Variants in MAP7D1 observed in about 807,000 individuals in gnomAD.
MAP7D1 encodes MAP7 domain-containing protein 1.
Under a neutral mutation model 97.5 loss-of-function variants are expected in MAP7D1, and 30 were observed. That is an observed-to-expected ratio of 0.31 (90% CI 0.23 to 0.42). The LOEUF (loss-of-function observed/expected upper bound fraction) is 0.42. Among genes scored for constraint, MAP7D1 ranks in the 10% least tolerant of loss-of-function variants. MAP7D1 has a pLI of 1.00. For missense variants in MAP7D1, 1,184 were observed against 1,179.5 expected, an observed-to-expected ratio of 1.00 and a Z score of -0.06; for synonymous variants, 536 against 477.1, an observed-to-expected ratio of 1.12 and a Z score of -1.61.
chr1:36,164,248 G>A (rs1644447943), intron 1 of MAP7D1, among the ~76,000 whole-genome samples: 1 of 152,108 alleles, frequency 6.6e-6, no homozygotes, highest in African/African-American at 2.4e-5. Context: ...CCGTATACTT[G>A]GCACTGTGGT....
At chr1:36,180,097 C>T in intron 16 of MAP7D1, 30 bp downstream of exon 16, 1 of 1,612,022 alleles carries the variant, frequency 6.2e-7, no homozygotes, top group African/African-American at 1.3e-5. Context: ...GACCCAGCTC[C>T]ATTCCTCCCA....
intron 9 of MAP7D1, 27 bp from the exon 10 acceptor site, chr1:36,178,392 G>A: frequency 6.2e-7 from 1 of 1,600,270 alleles, no homozygotes; most frequent in Non-Finnish European, 8.5e-7. Context: ...TGGGTGTGCT[G>A]ACGCCTGATC....
chr1:36,168,273 A>G (rs166634), intron 1 of MAP7D1, among the ~76,000 whole-genome samples: 27,315 of 149,226 alleles, frequency 0.18, 5,840 homozygotes, highest in African/African-American at 0.48. Flanking sequence ...CCAGCCTGGC[A>G]ACAGAGTGAG....
At position 36,176,580 on chromosome 1, in the gene MAP7D1, C is replaced by T. The variant is rs1480060530; in HGVS notation, c.1232C>T (p.Pro411Leu). 1.3e-6 allele frequency: 2 copies of T among 1,519,648 alleles called. No homozygotes were observed. Among genetic ancestry groups the T allele is most frequent in the African/African-American group, 1.4e-5 (1 of 71,124 alleles). The allele number at this position is 1,519,648 out of a possible 1,614,324, so 94.1% of individuals were successfully genotyped here. A position where few individuals can be genotyped will look rare whatever the true frequency, so the allele number is the denominator to read the frequency against. Residue 411 changes from proline to leucine, a missense_variant and splice_region_variant, in exon 7 of 17, where the codon CCG becomes CTG. Physicochemically the swap from Pro to Leu is moderately conservative, Grantham distance 98. Coordinates refer to ENST00000474796, the MANE Select transcript of MAP7D1 (RefSeq NM_001388490.1). This position sits in a 1 kb window ranked among gnomAD's most constrained non-coding sequence, Gnocchi z 6.1. The stretch of plus-strand genomic sequence containing the variant: ...GTGCGCCGCCGGCCGGAGGCCTCGC[C>T]GGTGAGTGGCTCTACTGGCTCGAGT... Reference protein sequence around the residue: ...APVRRRPEASPVQKKEKKDKE... With the variant: ...APVRRRPEASLVQKKEKKDKE...
At chr1:36,174,063 A>G (rs1390529745) in intron 5 of MAP7D1, among the ~76,000 whole-genome samples, 1 of 152,226 alleles carries the variant, frequency 6.6e-6, no homozygotes, top group Non-Finnish European at 1.5e-5. Flanking sequence ...CTCCTAAGTC[A>G]GACAGACTTG....
In MAP7D1 at chr1:36,171,020, C is replaced by G. The variant is rs559718745; in HGVS notation, c.96C>G (p.Asp32Glu). 12 of 1,571,996 alleles carry G rather than the reference C, an allele frequency of 7.6e-6. 1 individual carries two copies. In the South Asian group the frequency reaches 1.3e-4, roughly 18 times the overall value. ...PPEPRPSPEG[D>E]PSPPPPPMSA... ...AGCCAAGACCTTCTCCAGAAGGTGACCCTTCCCCCCCACCACCACCAATGT... is the reference window on the plus strand; with the variant it reads ...AGCCAAGACCTTCTCCAGAAGGTGAGCCTTCCCCCCCACCACCACCAATGT... Residue 32 changes from aspartate to glutamate, a missense_variant, in exon 2 of 17, where the codon GAC (aspartate) becomes GAG (glutamate). By Grantham distance (45) the Asp-to-Glu change is conservative. Coordinates refer to ENST00000474796, the MANE Select transcript of MAP7D1 (RefSeq NM_001388490.1).
Position 36,156,174 on chromosome 1 carries a change from G to C in MAP7D1, c.-244G>C, listed in dbSNP as rs1384916587. The C allele has an allele frequency of 7.2e-6, 3 of 414,418 alleles. No individual in the cohort carries two copies. Among genetic ancestry groups the C allele is most frequent in the African/African-American group, 4.2e-5 (2 of 47,978 alleles). The allele number at this position is 414,418 out of a possible 1,614,324, so 25.7% of individuals were successfully genotyped here. A position where few individuals can be genotyped will look rare whatever the true frequency, so the allele number is the denominator to read the frequency against. On this transcript the variant is annotated 5_prime_UTR_variant, in exon 1 of 17. Transcript: ENST00000474796. ...GGTACAATAGGGTTGGGCCGAGGCC[G>C]GGACTGGGCCGGCGCCGGGCGGGGA... is the stretch of plus-strand genomic sequence containing the variant.
chr1:36,170,199 A>AT (rs1644522177), intron 1 of MAP7D1, among the ~76,000 whole-genome samples: 1 of 152,190 alleles, frequency 6.6e-6, no homozygotes, highest in African/African-American at 2.4e-5. Flanking sequence ...ACATGTGTAT[A>AT]TGTCAAATCG....
In MAP7D1 at chr1:36,174,941, C is replaced by T. The variant is rs77377305; in HGVS notation, c.783C>T (p.His261=). 1,277 of 1,613,946 alleles carry T rather than the reference C, an allele frequency of 7.9e-4. 2 individuals carry two copies. The African/African-American group carries it at 0.013, about 17-fold the overall frequency. Reference sequence around the variant, plus strand: ...TGTCGGCAGTTAACCTGCCCAAACACGTGGACTCTATAATCAACAAGCGGC... The same window carrying T: ...TGTCGGCAGTTAACCTGCCCAAACATGTGGACTCTATAATCAACAAGCGGC... ...CSVSAVNLPK[H]VDSIINKRLS... is the part of the protein sequence containing the mutation. The change falls in exon 6 of 17, where the codon CAC becomes CAT. Residue 261 remains histidine (H), a synonymous_variant. Transcript: ENST00000474796.
chr1:36,156,610 C>T, intron 1 of MAP7D1, 147 bp downstream of exon 1: 1 of 606,156 alleles, frequency 1.6e-6, no homozygotes, highest in Non-Finnish European at 2.5e-6. Flanking sequence ...GCTGCGGCGG[C>T]GGCGGCTCCA....
intron 1 of MAP7D1, 126 bp downstream of exon 1, chr1:36,156,589 T>A: frequency 1.4e-6 from 1 of 716,538 alleles, no homozygotes; most frequent in Non-Finnish European, 2.0e-6. Context: ...CTTGGAAGTT[T>A]AAAAATAAAG....
chr1:36,177,578 G>A, intron 8 of MAP7D1: 1 of 673,130 alleles, frequency 1.5e-6, no homozygotes, highest in South Asian at 1.5e-5. Flanking sequence ...CTGTCAGGTA[G>A]CACTCAGGGT....
chr1:36,164,207 T>C (rs546268312), intron 1 of MAP7D1, among the ~76,000 whole-genome samples: 3 of 152,364 alleles, frequency 2.0e-5, no homozygotes, highest in South Asian at 4.1e-4. Context: ...ATTTGTGTTA[T>C]ACTGTTTATT....
At chr1:36,177,657 G>A (rs1437762090) in intron 8 of MAP7D1, 14 of 787,598 alleles carry the variant, frequency 1.8e-5, no homozygotes, top group East Asian at 2.7e-5. Context: ...GGCTATTGGC[G>A]GGGGACATAC....
intron 1 of MAP7D1, among the ~76,000 whole-genome samples, chr1:36,161,996 G>A (rs1473842394): frequency 6.6e-6 from 1 of 152,084 alleles, no homozygotes; most frequent in Non-Finnish European, 1.5e-5. Context: ...TTGTGTGCAC[G>A]TCTGTCTCCC....
chr1:36,157,440 C>T (rs1443889745), intron 1 of MAP7D1: 2 of 152,378 alleles, frequency 1.3e-5, no homozygotes, highest in African/African-American at 4.8e-5. Context: ...CCCCACCAAC[C>T]ACCAGTGCTC....
At position 36,179,772 on chromosome 1, in the gene MAP7D1, C is replaced by T. The variant is rs771248326; in HGVS notation, c.2318+16C>T. 1.3e-6 allele frequency: 2 copies of T among 1,536,926 alleles called. No homozygotes were observed. The highest frequency in any genetic ancestry group is 2.3e-5 in the East Asian group (1 of 43,794). On this transcript the variant is annotated intron_variant, in intron 15 of 16. Coordinates refer to ENST00000474796, the MANE Select transcript of MAP7D1 (RefSeq NM_001388490.1). ...CTCAGTGGAGGTACCAGCTTCCAAT[C>T]CCAGGGTCCCTGAGCAGGGAGGCAG...
chr1:36,157,011 G>A (rs1349471604), intron 1 of MAP7D1, among the ~76,000 whole-genome samples: 5 of 152,170 alleles, frequency 3.3e-5, no homozygotes, highest in Non-Finnish European at 7.3e-5. Flanking sequence ...TGTTGCTGCT[G>A]CGGGCCGGCG....
chr1:36,177,551 C>A (rs1446003016), intron 8 of MAP7D1: 1 of 622,872 alleles, frequency 1.6e-6, no homozygotes, highest in South Asian at 1.5e-5. Context: ...ACAACAAAAC[C>A]TGCTGAATGA....
Sources: allele counts gnomAD v4.1 joint callset (sites outside exome capture counted in the v4.1 genomes callset), GRCh38; gene constraint gnomAD v4.1.1; non-coding constraint Gnocchi (gnomAD v3.1); transcripts MANE v1.5; gene names NCBI Gene and HGNC (gene_info 2026-07-23, HGNC 2026-07-21).